The following MEIKIN variants were observed in gnomAD, a reference collection of about 807,000 sequenced individuals.
MEIKIN encodes the protein meiosis-specific kinetochore protein.
At position 131,945,169 on chromosome 5, in the gene MEIKIN, A is replaced by T. The variant is rs1751940846; in HGVS notation, c.187T>A (p.Ser63Thr). The part of the protein sequence containing the change: ...AERSRQGGSG[S>T]GPFSPRLGVT... ...GAGGCTACATACCTGAACGGCCCAG[A>T]GCCGCTACCTCCCTGCCTGCTCCGC... The change falls in exon 2 of 13, where the codon TCT becomes ACT. Residue 63 changes from serine (S) to threonine (T), a missense_variant. Coordinates refer to ENST00000442687, the MANE Select transcript of MEIKIN (RefSeq NM_001303622.2). 2 of 399,184 alleles carry T rather than the reference A, an allele frequency of 5.0e-6. No individual in the cohort carries two copies. Among genetic ancestry groups the T allele is most frequent in the Non-Finnish European group, 8.8e-6 (2 of 226,146 alleles). 24.7% of individuals were successfully genotyped at this position (399,184 alleles called of 1,614,324 possible).
Position 131,880,397 on chromosome 5 carries a change from C to G in MEIKIN, c.704-1349G>C, listed in dbSNP as rs1036304845. Among the ~76,000 whole-genome samples, 9 of 111,814 alleles carry G rather than the reference C, an allele frequency of 8.0e-5. No individual in the cohort carries two copies. In the Admixed American group the frequency reaches 9.0e-4, roughly 11 times the overall value. The allele number at this position is 111,814 out of a possible 152,430, so 73.4% of individuals were successfully genotyped here. The stretch of plus-strand genomic sequence containing the variant: ...GGATTACAGGCGTGAGCCAACGTGC[C>G]CGGCCTATTTTTTTTTTTTTTTAAG... On this transcript the variant is annotated intron_variant, in intron 8 of 12. Transcript: ENST00000442687.
In MEIKIN at chr5:131,924,936, G is replaced by T. The variant is rs376275384; in HGVS notation, c.479-2995C>A. Among the ~76,000 whole-genome samples the T allele has an allele frequency of 6.6e-4, 100 of 152,210 alleles. 1 individual carries two copies. Among genetic ancestry groups the T allele is most frequent in the African/African-American group, 2.2e-3 (92 of 41,544 alleles). On this transcript the variant is annotated intron_variant, in intron 5 of 12. Transcript: ENST00000442687. ...AGCTTTTCCCCTATGTTTTCTTCTA[G>T]GAGTTTTACAGCTTAAGGTCTTATA... is the stretch of plus-strand genomic sequence containing the variant.
chr5:131,938,693 C>T (rs188533697), intron 4 of MEIKIN, among the ~76,000 whole-genome samples: 310 of 152,288 alleles, frequency 2.0e-3, no homozygotes, highest in Non-Finnish European at 3.5e-3. Context: ...AGAGCCTGCA[C>T]TTGTTTCATG....
At chr5:131,844,976 A>G (rs550823583) in intron 11 of MEIKIN, among the ~76,000 whole-genome samples, 4 of 152,338 alleles carry the variant, frequency 2.6e-5, no homozygotes, top group African/African-American at 9.6e-5. Flanking sequence ...CAATTACAAA[A>G]GATGCCAAAG....
chr5:131,845,133 G>A (rs1171244200), intron 11 of MEIKIN, among the ~76,000 whole-genome samples: 1 of 151,946 alleles, frequency 6.6e-6, no homozygotes, highest in African/African-American at 2.4e-5. Context: ...AGCCAGGCAT[G>A]GTCGTGGGCA....
chr5:131,878,769 G>A (rs781675929), intron 9 of MEIKIN: 3 of 345,696 alleles, frequency 8.7e-6, no homozygotes, highest in Non-Finnish European at 1.5e-5. Context: ...CAGTTACTCA[G>A]GGGGTTGAAA....
chr5:131,882,705 T>A (rs578258842), intron 8 of MEIKIN, among the ~76,000 whole-genome samples: 1 of 152,334 alleles, frequency 6.6e-6, no homozygotes, highest in Non-Finnish European at 1.5e-5. Flanking sequence ...TATACAAGGC[T>A]CCACTTTACA....
At chr5:131,914,241 A>G (rs1035574697) in intron 7 of MEIKIN, among the ~76,000 whole-genome samples, 1 of 152,002 alleles carries the variant, frequency 6.6e-6, no homozygotes. Flanking sequence ...ATTCCTAGCC[A>G]GGCATGGTGG....
chr5:131,824,169 T>C (rs1270584503), intron 11 of MEIKIN, among the ~76,000 whole-genome samples: 1 of 151,896 alleles, frequency 6.6e-6, no homozygotes, highest in African/African-American at 2.4e-5. Context: ...GTGTGGTGAG[T>C]TCCCTCAGGC....
intron 8 of MEIKIN, among the ~76,000 whole-genome samples, chr5:131,906,007 T>C (rs1041810942): frequency 6.6e-6 from 1 of 152,134 alleles, no homozygotes; most frequent in Non-Finnish European, 1.5e-5. Flanking sequence ...GAAATTGCTA[T>C]GAGAGCAAAA....
At chr5:131,927,552 A>G (rs1751607851) in intron 5 of MEIKIN, among the ~76,000 whole-genome samples, 1 of 152,200 alleles carries the variant, frequency 6.6e-6, no homozygotes, top group Non-Finnish European at 1.5e-5. Flanking sequence ...CATTGTTAAA[A>G]GTGGGTTATA....
At chr5:131,874,727 A>G (rs1750579879) in intron 9 of MEIKIN, among the ~76,000 whole-genome samples, 1 of 152,188 alleles carries the variant, frequency 6.6e-6, no homozygotes, top group South Asian at 2.1e-4. Flanking sequence ...CTTGATGAAC[A>G]TTGATGCAAA....
intron 8 of MEIKIN, among the ~76,000 whole-genome samples, chr5:131,886,794 CTT>C (rs1344539764): frequency 6.6e-6 from 1 of 151,990 alleles, no homozygotes; most frequent in Non-Finnish European, 1.5e-5. Context: ...GTAAACTACT[CTT>C]ATCTCTTTAT....
chr5:131,887,679 G>C (rs1342954646), intron 8 of MEIKIN, among the ~76,000 whole-genome samples: 3 of 150,466 alleles, frequency 2.0e-5, no homozygotes, highest in Non-Finnish European at 4.5e-5. Context: ...TTTTTTGTTG[G>C]GTTTTTTTCT....
intron 11 of MEIKIN, among the ~76,000 whole-genome samples, chr5:131,833,286 T>C (rs1749744920): frequency 1.3e-5 from 2 of 152,192 alleles, no homozygotes; most frequent in South Asian, 4.1e-4. Context: ...CTTGCTAATT[T>C]GCTAAAACAT....
At chr5:131,858,820 T>C (rs1750237466) in intron 9 of MEIKIN, among the ~76,000 whole-genome samples, 1 of 152,110 alleles carries the variant, frequency 6.6e-6, no homozygotes, top group South Asian at 2.1e-4. Context: ...AACAAGCGTA[T>C]GAAAAAATGC....
At chr5:131,844,108 AAAC>A (rs1749968324) in intron 11 of MEIKIN, among the ~76,000 whole-genome samples, 1 of 152,146 alleles carries the variant, frequency 6.6e-6, no homozygotes, top group South Asian at 2.1e-4. Flanking sequence ...ACACACTTTC[AAAC>A]AACTAGATCT....
At chr5:131,912,027 A>T (rs1751341674) in intron 7 of MEIKIN, 148 bp from the exon 8 acceptor site, 1 of 381,004 alleles carries the variant, frequency 2.6e-6, no homozygotes, top group Non-Finnish European at 4.7e-6. Context: ...ATGTTATGGT[A>T]TTTATATGAA....
At chr5:131,913,145 C>T (rs1018143469) in intron 7 of MEIKIN, among the ~76,000 whole-genome samples, 12 of 152,130 alleles carry the variant, frequency 7.9e-5, no homozygotes, top group African/African-American at 2.7e-4. Context: ...TACCTATCAC[C>T]GGAGCTCTCT....
Sources: allele counts gnomAD v4.1 joint callset (sites outside exome capture counted in the v4.1 genomes callset), GRCh38; gene constraint gnomAD v4.1.1; transcripts MANE v1.5; gene names NCBI Gene and HGNC (gene_info 2026-07-23, HGNC 2026-07-21).